Variants in PLXNA4 observed in about 807,000 individuals in gnomAD.
PLXNA4 encodes the protein plexin-A4.
A neutral mutation model predicts 191.8 loss-of-function variants in PLXNA4; 44 were observed. That is an observed-to-expected ratio of 0.23 (90% CI 0.18 to 0.29). PLXNA4 has a LOEUF of 0.29. Ranked by LOEUF, PLXNA4 falls within the 10% of genes least tolerant of loss-of-function variation. The pLI is 1.00. For missense variants in PLXNA4, 1,800 were observed against 2,488.8 expected (o/e 0.72, Z 5.89); for synonymous variants, 1,082 against 1,009.5 (o/e 1.07, Z -1.36).
At chr7:132,477,547 T>G (rs1272811765) in intron 3 of PLXNA4, among the ~76,000 whole-genome samples, 1 of 152,184 alleles carries the variant, frequency 6.6e-6, no homozygotes, top group Middle Eastern at 3.2e-3. Context: ...CCACCTAAAC[T>G]TGGGGGTCAT....
intron 3 of PLXNA4, among the ~76,000 whole-genome samples, chr7:132,439,089 C>G (rs1409650795): frequency 6.6e-6 from 1 of 152,214 alleles, no homozygotes; most frequent in Non-Finnish European, 1.5e-5. Context: ...GTATCATTCA[C>G]AAACTGCAGT....
chr7:132,246,586 TG>T (rs1289464163), intron 4 of PLXNA4, among the ~76,000 whole-genome samples: 1 of 152,204 alleles, frequency 6.6e-6, no homozygotes, highest in Non-Finnish European at 1.5e-5. Flanking sequence ...TTCACAGTTA[TG>T]GCCAGAAATC....
At chr7:132,442,221 T>C (rs901970156) in intron 3 of PLXNA4, among the ~76,000 whole-genome samples, 3 of 152,082 alleles carry the variant, frequency 2.0e-5, no homozygotes, top group African/African-American at 4.8e-5. Context: ...AGTGGGAGAT[T>C]AAGGGAACAT....
intron 2 of PLXNA4, among the ~76,000 whole-genome samples, chr7:132,588,969 T>C (rs747325900): frequency 7.2e-5 from 11 of 151,940 alleles, no homozygotes; most frequent in Non-Finnish European, 2.9e-5. Flanking sequence ...CCAAAAGAGA[T>C]AGTACAGATT....
Position 132,449,016 on chromosome 7 carries a change from C to T in PLXNA4, c.1371+40276G>A, listed in dbSNP as rs111724302. ...AAATTTTGGTTTATTAATTGAATCA[C>T]TTTGAATTGAATTGGATTGGTGGCA... is the stretch of plus-strand genomic sequence containing the variant. On this transcript the variant is annotated intron_variant, in intron 3 of 31. Transcript: ENST00000321063. 7.7e-3 allele frequency among the ~76,000 whole-genome samples: 1,059 copies of T among 137,626 alleles called. 13 individuals are homozygous for T. The highest frequency in any genetic ancestry group is 0.034 in the African/African-American group (1,020 of 29,736). 90.3% of individuals were successfully genotyped at this position (137,626 alleles called of 152,430 possible). A position where few individuals can be genotyped will look rare whatever the true frequency, so the allele number is the denominator to read the frequency against.
At chr7:132,335,979 C>A (rs1283982998) in intron 3 of PLXNA4, among the ~76,000 whole-genome samples, 1 of 152,222 alleles carries the variant, frequency 6.6e-6, no homozygotes, top group East Asian at 1.9e-4. Flanking sequence ...ATGAAGGAAC[C>A]ATCAGTAGAG....
rs116828161 is a variant in PLXNA4 at position 132,199,765 on chromosome 7, C to T, written c.2587-1129G>A. On this transcript the variant is annotated intron_variant, in intron 12 of 31. Coordinates refer to ENST00000321063, the MANE Select transcript of PLXNA4 (RefSeq NM_020911.2). ...AGCAGAAGGAACTAGGCTGTGCTGC[C>T]CTCCCCACCAAGTGGCAGCTTCTCC... is the stretch of plus-strand genomic sequence containing the variant. 6.9e-3 allele frequency among the ~76,000 whole-genome samples: 1,056 copies of T among 152,312 alleles called. 17 individuals are homozygous for T. The highest frequency in any genetic ancestry group is 0.024 in the African/African-American group (1,003 of 41,552).
In PLXNA4 at chr7:132,210,770, G is replaced by A. The variant is rs150736113; in HGVS notation, c.2298+173C>T. Among the ~76,000 whole-genome samples, 57 of 152,336 alleles carry A rather than the reference G, an allele frequency of 3.7e-4. No individual in the cohort carries two copies. In the East Asian group the frequency reaches 3.9e-3, roughly 10 times the overall value. ...ACCTCAGAACCCAGCACGCTGCTGG[G>A]GCAGGTGTTGTGGGGCTGGGATGTG... On this transcript the variant is annotated intron_variant, in intron 10 of 31. Transcript: ENST00000321063.
At chr7:132,594,158 T>C (rs569911206) in intron 2 of PLXNA4, among the ~76,000 whole-genome samples, 1 of 152,344 alleles carries the variant, frequency 6.6e-6, no homozygotes, top group African/African-American at 2.4e-5. Context: ...ACATTGTAGA[T>C]GTAATTCGTT....
At chr7:132,223,101 C>T (rs1230653592) in intron 9 of PLXNA4, among the ~76,000 whole-genome samples, 1 of 152,202 alleles carries the variant, frequency 6.6e-6, no homozygotes, top group African/African-American at 2.4e-5. Context: ...CATCTCTCTC[C>T]CTTTTACTCA....
chr7:132,588,198 G>A (rs1802536131), intron 2 of PLXNA4, among the ~76,000 whole-genome samples: 1 of 152,028 alleles, frequency 6.6e-6, no homozygotes, highest in South Asian at 2.1e-4. Context: ...GAACCTGGAG[G>A]CTGGACAGGT....
At position 132,187,692 on chromosome 7, in the gene PLXNA4, C is replaced by T; in HGVS notation, c.2857-85G>A. 3 of 1,482,316 alleles carry T rather than the reference C, an allele frequency of 2.0e-6. No homozygotes were observed. The South Asian group carries it at 4.2e-5, about 21-fold the overall frequency. The allele number at this position is 1,482,316 out of a possible 1,614,324, so 91.8% of individuals were successfully genotyped here. A position where few individuals can be genotyped will look rare whatever the true frequency, so the allele number is the denominator to read the frequency against. On this transcript the variant is annotated intron_variant, in intron 14 of 31. Coordinates refer to ENST00000321063, the MANE Select transcript of PLXNA4 (RefSeq NM_020911.2). Reference sequence around the variant, plus strand: ...CAGGCGTGAGGCAGCACCCCACTCCCCCAAGCTGCCTTCTGGAATCTTTGG... The same window carrying T: ...CAGGCGTGAGGCAGCACCCCACTCCTCCAAGCTGCCTTCTGGAATCTTTGG...
chr7:132,251,939 C>T (rs1799265757), intron 4 of PLXNA4, among the ~76,000 whole-genome samples: 1 of 152,204 alleles, frequency 6.6e-6, no homozygotes, highest in African/African-American at 2.4e-5. Flanking sequence ...AACTGATATT[C>T]CTGAAGGAGA....
intron 1 of PLXNA4, among the ~76,000 whole-genome samples, chr7:132,512,069 G>A (rs1024732056): frequency 7.2e-5 from 11 of 152,158 alleles, no homozygotes; most frequent in Admixed American, 2.0e-4. Context: ...CTGCTCTTTG[G>A]GCACCATATG....
At chr7:132,648,090 G>A (rs1443818539) in intron 1 of PLXNA4, among the ~76,000 whole-genome samples, 3 of 151,180 alleles carry the variant, frequency 2.0e-5, no homozygotes, top group Admixed American at 1.3e-4. Flanking sequence ...CACAAACTCA[G>A]TGTCATATAC....
chr7:132,438,453 A>G (rs1201404056), intron 3 of PLXNA4, among the ~76,000 whole-genome samples: 1 of 152,182 alleles, frequency 6.6e-6, no homozygotes, highest in Non-Finnish European at 1.5e-5. Flanking sequence ...GATACATAAC[A>G]TTATTATTTG....
At chr7:132,520,733 G>A (rs547076411) in intron 1 of PLXNA4, among the ~76,000 whole-genome samples, 95 of 152,108 alleles carry the variant, frequency 6.2e-4, no homozygotes, top group Non-Finnish European at 5.9e-4. Context: ...CTGTCCGGCC[G>A]CCCCTCCACT....
intron 4 of PLXNA4, among the ~76,000 whole-genome samples, chr7:132,251,663 G>A (rs1799258154): frequency 6.6e-6 from 1 of 152,226 alleles, no homozygotes; most frequent in Admixed American, 6.5e-5. Context: ...AAAAAACAGT[G>A]TGTGTAAATG....
chr7:132,271,558 T>C (rs749051572), intron 4 of PLXNA4, among the ~76,000 whole-genome samples: 5 of 152,034 alleles, frequency 3.3e-5, no homozygotes, highest in Non-Finnish European at 7.4e-5. Context: ...ACCTCTTTGG[T>C]ATAGAAGTCC....
Sources: gnomAD v4.1 joint callset for allele counts (sites outside exome capture counted in the v4.1 genomes callset) on GRCh38, gnomAD v4.1.1 for gene constraint, MANE v1.5 for transcripts, NCBI Gene and HGNC (gene_info 2026-07-23, HGNC 2026-07-21) for gene names.